The following WDFY4 variants were observed in gnomAD, a reference collection of about 807,000 sequenced individuals.
WDFY4 encodes WD repeat- and FYVE domain-containing protein 4.
A neutral mutation model predicts 351.9 loss-of-function variants in WDFY4; 169 were observed. The observed-to-expected ratio is 0.48, with a 90% CI of 0.42 to 0.55. The LOEUF (loss-of-function observed/expected upper bound fraction) is 0.55. WDFY4 is among the 20% of genes least tolerant of loss of function. The pLI is 0.00. For synonymous variants in WDFY4, 1,622 were observed against 1,574.6 expected (o/e 1.03, Z -0.71); for missense variants, 3,803 against 3,935.6 (o/e 0.97, Z 0.90).
At chr10:48,881,937 T>A (rs915512851) in intron 43 of WDFY4, among the ~76,000 whole-genome samples, 2 of 152,086 alleles carry the variant, frequency 1.3e-5, no homozygotes, top group African/African-American at 4.8e-5. Context: ...CCCAGCCCCC[T>A]CTTATTGCCT....
intron 40 of WDFY4, among the ~76,000 whole-genome samples, 174 bp downstream of exon 40, chr10:48,867,516 T>G (rs1278089740): frequency 6.6e-6 from 1 of 152,236 alleles, no homozygotes; most frequent in Non-Finnish European, 1.5e-5. Flanking sequence ...AAGGGCAGGC[T>G]TAGATATTTA....
At chr10:48,890,748 A>G in intron 44 of WDFY4, 21 bp downstream of exon 44, 1 of 1,551,366 alleles carries the variant, frequency 6.4e-7, no homozygotes, top group Non-Finnish European at 8.7e-7. Context: ...CACTTCTCCC[A>G]GCAGATTCTT....
rs374416490 is a variant in WDFY4, at chr10:48,957,227, C to T, written c.8076C>T (p.Thr2692=). 50 of 1,551,540 alleles carry T rather than the reference C, an allele frequency of 3.2e-5. No individual in the cohort carries two copies. In the African/African-American group the frequency reaches 6.0e-4, roughly 19 times the overall value. The part of the protein sequence containing the change: ...RENMSDVREL[T]PEFFYLPEFL... ...ACATGAGTGACGTCAGGGAGCTGACCCCAGAGTTCTTCTACCTGCCTGAGT... is the reference window on the plus strand; with the variant it reads ...ACATGAGTGACGTCAGGGAGCTGACTCCAGAGTTCTTCTACCTGCCTGAGT... Residue 2692 remains threonine (T), a synonymous_variant, in exon 52 of 62, where the codon ACC becomes ACT. Transcript: ENST00000325239.
At chr10:48,690,796 AG>A (rs1429183587) in intron 1 of WDFY4, among the ~76,000 whole-genome samples, 1 of 152,124 alleles carries the variant, frequency 6.6e-6, no homozygotes, top group African/African-American at 2.4e-5. Context: ...GGCTGAACCC[AG>A]GGTTTTTATG....
At chr10:48,700,767 G>A (rs1286618571) in intron 1 of WDFY4, among the ~76,000 whole-genome samples, 1 of 152,166 alleles carries the variant, frequency 6.6e-6, no homozygotes, top group Non-Finnish European at 1.5e-5. Context: ...TTTGGCAGGG[G>A]GCCTAGTGCG....
rs934188005 is a variant in WDFY4, at chr10:48,780,101, G to T, written c.3558G>T (p.Gln1186His). ...HCTVSTCLDG[Q>H]VIGSAKMLYI... ...CAGTTTCCACCTGTCTGGATGGACA[G>T]GTCATTGGCTCTGCCAAGGTGAGAT... The change falls in exon 19 of 62, where the codon CAG becomes CAT. Residue 1186 changes from glutamine (Q) to histidine (H), a missense_variant. This residue lies in a region of WDFY4 where 3,054 missense variants were observed against 3,148.6 expected (regional missense o/e 0.97). Transcript: ENST00000325239. 1.9e-5 allele frequency: 29 copies of T among 1,552,044 alleles called. No homozygotes were observed. Among genetic ancestry groups the T allele is most frequent in the Non-Finnish European group, 2.4e-5 (28 of 1,147,054 alleles).
rs542712618 is a variant in WDFY4, at chr10:48,912,765, G to A, written c.7586+10902G>A. Among the ~76,000 whole-genome samples the A allele has an allele frequency of 3.3e-5, 5 of 152,360 alleles. No homozygotes were observed. The South Asian group carries it at 1.0e-3, about 32-fold the overall frequency. On this transcript the variant is annotated intron_variant, in intron 47 of 61. Transcript: ENST00000325239. ...TTCATTCATTCACAGCCAGTCAGAG[G>A]TCTGCAGGTTTAGCCAAGAAAGCTC...
chr10:48,814,155 C>A, intron 31 of WDFY4, 73 bp downstream of exon 31: 1 of 1,444,180 alleles, frequency 6.9e-7, no homozygotes, highest in Non-Finnish European at 9.2e-7. Context: ...GTCACCTTGA[C>A]TTTTCTCTTA....
Position 48,743,274 on chromosome 10 carries a change from A to G in WDFY4, c.2185A>G (p.Asn729Asp). 6.4e-7 allele frequency: 1 copy of G among 1,551,698 alleles called. No homozygotes were observed. The highest frequency in any genetic ancestry group is 8.7e-7 in the Non-Finnish European group (1 of 1,146,982). Residue 729 changes from asparagine (N) to aspartate (D), a missense_variant, in exon 12 of 62, where the codon AAC becomes GAC. Around this residue, in one of 3 missense-constraint regions of WDFY4, gnomAD observed 3,054 missense variants for 3,148.6 expected, o/e 0.97. Coordinates refer to ENST00000325239, the MANE Select transcript of WDFY4 (RefSeq NM_001394531.1). Reference sequence around the variant, plus strand: ...TTTTGGAGCCCTGGAGGAAGAGGGCAACCTGCTGCGCTCTTGGGTGGACAC... The same window carrying G: ...TTTTGGAGCCCTGGAGGAAGAGGGCGACCTGCTGCGCTCTTGGGTGGACAC... ...GCFGALEEEG[N>D]LLRSWVDTKA...
intron 42 of WDFY4, among the ~76,000 whole-genome samples, chr10:48,875,421 C>A (rs546426323): frequency 2.6e-5 from 4 of 152,106 alleles, no homozygotes; most frequent in Admixed American, 1.3e-4. Context: ...AAAGTATTCC[C>A]AAACAATTTT....
chr10:48,939,657 C>A lies in WDFY4; in HGVS notation c.7587-2149C>A, dbSNP rs532541828. Among the ~76,000 whole-genome samples, 4 of 152,332 alleles carry A rather than the reference C, an allele frequency of 2.6e-5. No homozygotes were observed. In the East Asian group the frequency reaches 5.8e-4, roughly 22 times the overall value. ...CTTTCAACTAATCACCAGTTACCAA[C>A]AAAATTCACATAGATCATTTTAAGA... On this transcript the variant is annotated intron_variant, in intron 47 of 61. Coordinates refer to ENST00000325239, the MANE Select transcript of WDFY4 (RefSeq NM_001394531.1).
chr10:48,848,831 C>A (rs528123987), intron 39 of WDFY4, among the ~76,000 whole-genome samples: 1 of 152,240 alleles, frequency 6.6e-6, no homozygotes, highest in South Asian at 2.1e-4. Context: ...TTAGTTTACA[C>A]GATAACCACA....
intron 14 of WDFY4, among the ~76,000 whole-genome samples, chr10:48,775,451 AACAATT>A (rs1315258570): frequency 3.3e-5 from 5 of 152,218 alleles, no homozygotes; most frequent in African/African-American, 1.2e-4. Flanking sequence ...GAAACTTATA[AACAATT>A]ACTACAAATT....
chr10:48,730,039 C>A (rs2132330565), intron 8 of WDFY4, among the ~76,000 whole-genome samples: 1 of 152,314 alleles, frequency 6.6e-6, no homozygotes, highest in African/African-American at 2.4e-5. Context: ...CCCTAAAATT[C>A]CTCTGTAGAG....
intron 13 of WDFY4, among the ~76,000 whole-genome samples, chr10:48,773,478 T>C (rs546135759): frequency 5.9e-4 from 90 of 152,332 alleles, no homozygotes; most frequent in African/African-American, 2.1e-3. Context: ...TTCCAAAGAT[T>C]TATCTTTTAC....
chr10:48,968,954 C>A, intron 55 of WDFY4, 110 bp from the exon 56 acceptor site: 1 of 1,147,314 alleles, frequency 8.7e-7, no homozygotes, highest in Non-Finnish European at 1.2e-6. Context: ...GCTGTCCTTC[C>A]ATGCTTAAGT....
At chr10:48,761,541 A>G (rs1398776685) in intron 13 of WDFY4, among the ~76,000 whole-genome samples, 2 of 152,170 alleles carry the variant, frequency 1.3e-5, no homozygotes, top group East Asian at 3.8e-4. Flanking sequence ...GCTTTCAGGA[A>G]GAGGAGGCTA....
In WDFY4 at chr10:48,969,068, G is replaced by A. The variant is rs1017799799; in HGVS notation, c.8589G>A (p.Met2863Ile). 1.3e-6 allele frequency: 2 copies of A among 1,551,064 alleles called. No individual in the cohort carries two copies. The highest frequency in any genetic ancestry group is 3.9e-5 in the Admixed American group (2 of 50,942). The change falls in exon 56 of 62, where the codon ATG (methionine) becomes ATA (isoleucine). Residue 2863 changes from methionine (M) to isoleucine (I), a missense_variant. Transcript: ENST00000325239. Reference sequence around the variant, plus strand: ...GCCATACTAACTGGGGTGTAGATATGTACCTCTTTTCTCTAGGCTCAGAGT... The same window carrying A: ...GCCATACTAACTGGGGTGTAGATATATACCTCTTTTCTCTAGGCTCAGAGT... ...LRPSQVTVKD[M>I]YLFSLGSESP... is the part of the protein sequence containing the mutation.
intron 53 of WDFY4, among the ~76,000 whole-genome samples, chr10:48,961,231 ACT>A (rs1367591410): frequency 6.6e-6 from 1 of 152,198 alleles, no homozygotes; most frequent in Non-Finnish European, 1.5e-5. Context: ...CTCAGAGCCC[ACT>A]GTCTTGAGTA....
Sources: gnomAD v4.1 joint callset for allele counts (sites outside exome capture counted in the v4.1 genomes callset) on GRCh38, gnomAD v4.1.1 for gene constraint, gnomAD v4.1.1 regional missense constraint, MANE v1.5 for transcripts, NCBI Gene and HGNC (gene_info 2026-07-23, HGNC 2026-07-21) for gene names.